Variants in NOP9 observed in about 807,000 individuals in gnomAD.
NOP9 encodes nucleolar protein 9.
In NOP9, 50 loss-of-function variants were observed where a neutral mutation model predicts 63.0. That is an observed-to-expected ratio of 0.79 (90% CI 0.63 to 1.00). The LOEUF is 1.00. Among genes scored for constraint, NOP9 ranks in the 50% least tolerant of loss-of-function variants. The pLI, the probability that NOP9 is intolerant of heterozygous loss-of-function variation, is 0.00. For synonymous variants in NOP9, 343 were observed against 332.8 expected, an observed-to-expected ratio of 1.03 and a Z score of -0.33; for missense variants, 758 against 803.0, an observed-to-expected ratio of 0.94 and a Z score of 0.68.
At chr14:24,289,269 A>C in the NOP9 span, among the ~76,000 whole-genome samples, 1 of 152,146 alleles carries the variant, frequency 6.6e-6, no homozygotes, top group Admixed American at 6.5e-5. Context: ...GGTGTGAGCC[A>C]CTGTGCCCGG....
At chr14:24,299,403 A>G (rs558707625), upstream of NOP9, 184 of 301,028 alleles carry the variant, frequency 6.1e-4, no homozygotes, top group African/African-American at 3.7e-3. Flanking sequence ...CTGCCTGGAT[A>G]TGGGAATCTG....
At chr14:24,273,205 G>T in the NOP9 span, among the ~76,000 whole-genome samples, 88 of 150,696 alleles carry the variant, frequency 5.8e-4, 1 homozygote, top group African/African-American at 2.0e-3. Context: ...TTGAGACAGG[G>T]TCTCACTCTG....
chr14:24,302,343 G>A lies in NOP9; in HGVS notation c.1062G>A (p.Gly354=). Residue 354 remains glycine, a synonymous_variant, in exon 5 of 10, where the codon GGG becomes GGA. Coordinates refer to ENST00000267425, the MANE Select transcript of NOP9 (RefSeq NM_174913.3). The part of the protein sequence containing the change: ...LQSLFEEHLQ[G]QLQTLAAHPI... ...GCCTCTTTGAGGAGCACTTGCAGGGGCAGCTGCAGACCCTGGCTGCACATC... is the reference window on the plus strand; with the variant it reads ...GCCTCTTTGAGGAGCACTTGCAGGGACAGCTGCAGACCCTGGCTGCACATC... 6.2e-7 allele frequency: 1 copy of A among 1,614,106 alleles called. No homozygotes were observed.
At chr14:24,281,979 G>T in the NOP9 span, among the ~76,000 whole-genome samples, 1 of 152,198 alleles carries the variant, frequency 6.6e-6, no homozygotes, top group Admixed American at 6.5e-5. Context: ...AGGCCAAGGC[G>T]GGCGGATCAC....
At position 24,302,053 on chromosome 14, in the gene NOP9, C is replaced by T; in HGVS notation, c.897C>T (p.Leu299=). Residue 299 remains leucine, a synonymous_variant, in exon 4 of 10, where the codon CTC becomes CTT. Transcript: ENST00000267425. The part of the protein sequence containing the change: ...HRKLPQFCAH[L]CNAVIGYLST... The stretch of plus-strand genomic sequence containing the variant: ...AACTTCCCCAGTTTTGCGCTCATCT[C>T]TGCAATGCTGTGATTGGCTACCTGA... 2 of 1,614,096 alleles carry T rather than the reference C, an allele frequency of 1.2e-6. No individual in the cohort carries two copies. Among genetic ancestry groups the T allele is most frequent in the Non-Finnish European group, 1.7e-6 (2 of 1,179,966 alleles).
chr14:24,290,874 G>A, the NOP9 span: 1 of 1,613,892 alleles, frequency 6.2e-7, no homozygotes, highest in Non-Finnish European at 8.5e-7. Flanking sequence ...ACTTGCTAGT[G>A]TAGAGGGCAA....
chr14:24,299,823 A>G, upstream of NOP9: 10 of 1,183,842 alleles, frequency 8.4e-6, 1 homozygote, highest in Non-Finnish European at 1.1e-5. Flanking sequence ...GCGCGGAACT[A>G]TGACGTAGTA....
upstream of NOP9, chr14:24,299,196 G>C (rs531622686): frequency 4.8e-6 from 7 of 1,445,300 alleles, no homozygotes; most frequent in South Asian, 2.7e-5. Flanking sequence ...GCGAGGTTGG[G>C]GGGTAGGGGA....
At position 24,308,166 on chromosome 14, in the gene NOP9, A is replaced by G; in HGVS notation, c.*3071A>G. On this transcript the variant is annotated 3_prime_UTR_variant, in exon 10 of 10. Coordinates refer to ENST00000267425, the MANE Select transcript of NOP9 (RefSeq NM_174913.3). ...TAGATGGGAACCATGTAAAAGGATG[A>G]AATGTGACTTCTGGTGTTTTTTTAT... is the stretch of plus-strand genomic sequence containing the variant. 2 of 419,560 alleles carry G rather than the reference A, an allele frequency of 4.8e-6. No individual in the cohort carries two copies. The highest frequency in any genetic ancestry group is 4.5e-5 in the East Asian group (1 of 22,150). The allele number at this position is 419,560 out of a possible 1,614,324, so 26.0% of individuals were successfully genotyped here. A position where few individuals can be genotyped will look rare whatever the true frequency, so the allele number is the denominator to read the frequency against.
At chr14:24,278,444 G>A in the NOP9 span, among the ~76,000 whole-genome samples, 18 of 152,290 alleles carry the variant, frequency 1.2e-4, no homozygotes, top group South Asian at 6.2e-4. Flanking sequence ...TTTCAGTGAC[G>A]TGGGATGAGC....
At chr14:24,296,969 G>C (rs964529975), upstream of NOP9, 49 of 1,572,106 alleles carry the variant, frequency 3.1e-5, no homozygotes, top group African/African-American at 5.1e-4. Flanking sequence ...CTTGAGAACT[G>C]AGAAGACAAT....
At position 24,304,030 on chromosome 14, in the gene NOP9, T is replaced by C. The variant is rs2041427314; in HGVS notation, c.1411-11T>C. 6.2e-7 allele frequency: 1 copy of C among 1,612,152 alleles called. No individual in the cohort carries two copies. Among genetic ancestry groups the C allele is most frequent in the South Asian group, 1.1e-5 (1 of 91,048 alleles). ...TTGGTGCCTCCTAATTTCTTATCTC[T>C]GCGCTGCCAGGTGGCAATGGCCGCA... On this transcript the variant is annotated splice_polypyrimidine_tract_variant and intron_variant, in intron 7 of 9. Coordinates refer to ENST00000267425, the MANE Select transcript of NOP9 (RefSeq NM_174913.3).
chr14:24,299,760 C>A, upstream of NOP9: 1 of 616,478 alleles, frequency 1.6e-6, no homozygotes, highest in Middle Eastern at 4.6e-4. Flanking sequence ...TTAGAACCTG[C>A]GGATGGGGGC....
the NOP9 span, among the ~76,000 whole-genome samples, chr14:24,286,592 T>G: frequency 9.3e-4 from 142 of 152,150 alleles, no homozygotes; most frequent in African/African-American, 3.2e-3. Flanking sequence ...TTTATTTTAT[T>G]TATTTATTTA....
At position 24,301,792 on chromosome 14, in the gene NOP9, C is replaced by G. The variant is rs919091340; in HGVS notation, c.808+70C>G. On this transcript the variant is annotated intron_variant, in intron 3 of 9. Coordinates refer to ENST00000267425, the MANE Select transcript of NOP9 (RefSeq NM_174913.3). Reference sequence around the variant, plus strand: ...AGGTCATCTTACCACCAAGCAAGGCCCTTACCTCAGGTTATTCCTCTTCTT... The same window carrying G: ...AGGTCATCTTACCACCAAGCAAGGCGCTTACCTCAGGTTATTCCTCTTCTT... 5 of 1,550,704 alleles carry G rather than the reference C, an allele frequency of 3.2e-6. No individual in the cohort carries two copies. The African/African-American group carries it at 5.4e-5, about 17-fold the overall frequency.
At chr14:24,292,076 G>T in the NOP9 span, 3 of 1,381,114 alleles carry the variant, frequency 2.2e-6, no homozygotes, top group Non-Finnish European at 2.0e-6. Context: ...GCTCAGCCCT[G>T]CACCTGCCAC....
the NOP9 span, among the ~76,000 whole-genome samples, chr14:24,285,342 G>T: frequency 6.6e-6 from 1 of 152,164 alleles, no homozygotes; most frequent in Non-Finnish European, 1.5e-5. Context: ...CTCTGTTGGT[G>T]GGGTAGGGAA....
the NOP9 span, among the ~76,000 whole-genome samples, chr14:24,285,006 A>C: frequency 6.6e-6 from 1 of 152,170 alleles, no homozygotes; most frequent in Non-Finnish European, 1.5e-5. Flanking sequence ...ACTTGTCCGT[A>C]AACCTGGAGT....
At chr14:24,289,579 C>G in the NOP9 span, among the ~76,000 whole-genome samples, 1 of 152,188 alleles carries the variant, frequency 6.6e-6, no homozygotes, top group Admixed American at 6.6e-5. Context: ...TGAGCAGGTG[C>G]TGAGGGAATC....
Sources: allele counts gnomAD v4.1 joint callset (sites outside exome capture counted in the v4.1 genomes callset), GRCh38; gene constraint gnomAD v4.1.1; transcripts MANE v1.5; gene names NCBI Gene and HGNC (gene_info 2026-07-23, HGNC 2026-07-21).